ENPP1: variants seen among roughly 807,000 people sequenced by gnomAD.
ENPP1 encodes ectonucleotide pyrophosphatase/phosphodiesterase family member 1.
Under a neutral mutation model 122.8 loss-of-function variants are expected in ENPP1, and 73 were observed. That is an observed-to-expected ratio of 0.59 (90% CI 0.49 to 0.72). The LOEUF is 0.72. ENPP1 is among the 30% of genes least tolerant of loss of function. The probability of loss-of-function intolerance (pLI) is 0.00; values close to 1 mark genes in which losing one functional copy is unlikely to be tolerated. For missense variants in ENPP1, 978 were observed against 1,128.1 expected (o/e 0.87, Z 1.91); for synonymous variants, 367 against 391.6 (o/e 0.94, Z 0.74).
At position 131,808,170 on chromosome 6, in the gene ENPP1, G is replaced by T. The variant is rs945032500; in HGVS notation, c.135G>T (p.Ala45=). 1.1e-5 allele frequency: 16 copies of T among 1,459,516 alleles called. No individual in the cohort carries two copies. The highest frequency in any genetic ancestry group is 1.4e-5 in the South Asian group (1 of 73,466). 90.4% of individuals were successfully genotyped at this position (1,459,516 alleles called of 1,614,324 possible). Residue 45 remains alanine (A), a synonymous_variant, in exon 1 of 25, where the codon GCG becomes GCT. Transcript: ENST00000647893. Reference sequence around the variant, plus strand: ...CCGAGGCGCCCGGGGACCCGCAGGCGGCCGCGTCCTTGCTGGCCCCTATGG... The same window carrying T: ...CCGAGGCGCCCGGGGACCCGCAGGCTGCCGCGTCCTTGCTGGCCCCTATGG... ...HAAEAPGDPQ[A]AASLLAPMDV... is the part of the protein sequence containing the mutation.
chr6:131,827,423 C>T (rs1178747110), intron 1 of ENPP1: 15 of 703,282 alleles, frequency 2.1e-5, no homozygotes, highest in Non-Finnish European at 3.1e-5. Flanking sequence ...TCCACCACAG[C>T]CTGTAGGAGG....
chr6:131,879,954 C>T lies in ENPP1; in HGVS notation c.2020C>T (p.Leu674Phe). 1.9e-6 allele frequency: 3 copies of T among 1,613,782 alleles called. No homozygotes were observed. Among genetic ancestry groups the T allele is most frequent in the Non-Finnish European group, 2.5e-6 (3 of 1,179,648 alleles). Residue 674 changes from leucine to phenylalanine, a missense_variant, in exon 20 of 25, where the codon CTT becomes TTT. Physicochemically the swap from Leu to Phe is conservative, Grantham distance 22 (BLOSUM62 0). Transcript: ENST00000647893. ...VLQKENTICL[L>F]SQHQFMSGYS... Reference sequence around the variant, plus strand: ...CCAGAAGGAAAACACCATCTGTCTTCTTTCCCAGCACCAGTTTATGAGTGG... The same window carrying T: ...CCAGAAGGAAAACACCATCTGTCTTTTTTCCCAGCACCAGTTTATGAGTGG...
At position 131,885,071 on chromosome 6, in the gene ENPP1, C is replaced by CAT; in HGVS notation, c.2444+11_2444+12dup. The CAT allele has an allele frequency of 6.2e-7, 1 of 1,613,562 alleles. No homozygotes were observed. Among genetic ancestry groups the CAT allele is most frequent in the African/African-American group, 1.3e-5 (1 of 75,028 alleles). On this transcript the variant is annotated intron_variant, in intron 23 of 24. Transcript: ENST00000647893. ...CTTAGAGAATCTGAGGCAGTAAGAA[C>CAT]ATATTTCATTACTCTTAAAAATAGG... is the stretch of plus-strand genomic sequence containing the variant.
chr6:131,839,538 C>T (rs1183860961), intron 1 of ENPP1, among the ~76,000 whole-genome samples: 1 of 152,164 alleles, frequency 6.6e-6, no homozygotes, highest in Admixed American at 6.5e-5. Context: ...AGAGTTTACT[C>T]TGGGTCACTA....
At chr6:131,837,603 T>G (rs1781693542) in intron 1 of ENPP1, among the ~76,000 whole-genome samples, 1 of 151,946 alleles carries the variant, frequency 6.6e-6, no homozygotes, top group Non-Finnish European at 1.5e-5. Context: ...CCATTACTTC[T>G]TTACTACTTC....
chr6:131,814,499 C>A (rs1470086784), intron 1 of ENPP1, among the ~76,000 whole-genome samples: 2 of 152,128 alleles, frequency 1.3e-5, no homozygotes, highest in Non-Finnish European at 2.9e-5. Context: ...TCAAGTTGCC[C>A]TGAGTATATG....
chr6:131,839,768 C>T (rs899598676), intron 1 of ENPP1, among the ~76,000 whole-genome samples: 4 of 151,960 alleles, frequency 2.6e-5, no homozygotes, highest in African/African-American at 9.7e-5. Context: ...GTCATTTTTC[C>T]ATGTCAATTA....
chr6:131,857,706 C>T (rs1282212544), intron 6 of ENPP1, among the ~76,000 whole-genome samples: 1 of 152,068 alleles, frequency 6.6e-6, no homozygotes, highest in African/African-American at 2.4e-5. Flanking sequence ...TGCTAGATGA[C>T]GAGTTAGTGG....
chr6:131,855,756 CTTT>C (rs200014818), intron 6 of ENPP1, among the ~76,000 whole-genome samples: 2 of 140,714 alleles, frequency 1.4e-5, no homozygotes, highest in African/African-American at 5.2e-5. Context: ...TGGACTCTTC[CTTT>C]TTTTTTTTTT....
chr6:131,870,772 T>C (rs1010330281), intron 13 of ENPP1, among the ~76,000 whole-genome samples: 3 of 152,224 alleles, frequency 2.0e-5, no homozygotes, highest in African/African-American at 7.2e-5. Flanking sequence ...TTATAAAACC[T>C]GTTATAAAAA....
At chr6:131,839,245 C>T (rs1781712133) in intron 1 of ENPP1, among the ~76,000 whole-genome samples, 1 of 151,840 alleles carries the variant, frequency 6.6e-6, no homozygotes, top group African/African-American at 2.4e-5. Flanking sequence ...TTTTTGAATC[C>T]CATTGAATAT....
intron 1 of ENPP1, among the ~76,000 whole-genome samples, chr6:131,836,117 CTT>C (rs35069563): frequency 1.4e-5 from 2 of 143,698 alleles, no homozygotes; most frequent in Non-Finnish European, 1.5e-5. Flanking sequence ...GTGTGGTTTT[CTT>C]TTTTTTTTTT....
In ENPP1 at chr6:131,811,698, A is replaced by C. The variant is rs117806897; in HGVS notation, c.240+3423A>C. Among the ~76,000 whole-genome samples the C allele has an allele frequency of 7.3e-4, 111 of 152,260 alleles. 1 individual carries two copies. The East Asian group carries it at 0.016, about 23-fold the overall frequency. On this transcript the variant is annotated intron_variant, in intron 1 of 24. Transcript: ENST00000647893. ...CAGCTGTCAGGAACAAAATGCTTTTAAAGAATTGCCCCTGGGAATGGGTGC... is the reference window on the plus strand; with the variant it reads ...CAGCTGTCAGGAACAAAATGCTTTTCAAGAATTGCCCCTGGGAATGGGTGC...
In ENPP1 at chr6:131,895,090, G is replaced by C. The variant is rs1782529346; in HGVS notation, c.*4579G>C. 1 of 152,228 alleles carries C rather than the reference G, an allele frequency of 6.6e-6. No homozygotes were observed. Among genetic ancestry groups the C allele is most frequent in the Non-Finnish European group, 1.5e-5 (1 of 68,046 alleles). The allele number at this position is 152,228 out of a possible 1,614,324, so 9.4% of individuals were successfully genotyped here. A position where few individuals can be genotyped will look rare whatever the true frequency, so the allele number is the denominator to read the frequency against. On this transcript the variant is annotated 3_prime_UTR_variant, in exon 25 of 25. Coordinates refer to ENST00000647893, the MANE Select transcript of ENPP1 (RefSeq NM_006208.3). ...ATATTGTAAGAGAGAGAGAAGAAAA[G>C]TGTACGGAATATAATTGTCTCTAAG...
chr6:131,824,216 G>A (rs1411451600), intron 1 of ENPP1, among the ~76,000 whole-genome samples: 1 of 152,026 alleles, frequency 6.6e-6, no homozygotes, highest in Non-Finnish European at 1.5e-5. Context: ...CATAGCGAGG[G>A]GGAATTAGCC....
At chr6:131,886,765 T>G in intron 24 of ENPP1, 41 bp downstream of exon 24, 1 of 1,566,818 alleles carries the variant, frequency 6.4e-7, no homozygotes, top group Non-Finnish European at 8.8e-7. Context: ...GTTGAAAATC[T>G]AGACATATGC....
rs531628802 is a variant in ENPP1, at chr6:131,815,921, A to G, written c.240+7646A>G. ...TTTTTAGTAGAGACAGGGTTTTGCCATGTTGGCCAGGCTGGTCTCGAACTC... is the reference window on the plus strand; with the variant it reads ...TTTTTAGTAGAGACAGGGTTTTGCCGTGTTGGCCAGGCTGGTCTCGAACTC... On this transcript the variant is annotated intron_variant, in intron 1 of 24. Transcript: ENST00000647893. 8.3e-4 allele frequency among the ~76,000 whole-genome samples: 108 copies of G among 129,796 alleles called. No individual in the cohort carries two copies. The Middle Eastern group carries it at 0.037, about 44-fold the overall frequency. 85.2% of individuals were successfully genotyped at this position (129,796 alleles called of 152,430 possible).
chr6:131,853,907 C>T (rs150549143), intron 5 of ENPP1, among the ~76,000 whole-genome samples: 1 of 152,292 alleles, frequency 6.6e-6, no homozygotes, highest in Non-Finnish European at 1.5e-5. Context: ...AGTATATTAG[C>T]ATCCTCTGTG....
In ENPP1 at chr6:131,847,859, G is replaced by T. The variant is rs781539069; in HGVS notation, c.313+11G>T. Reference sequence around the variant, plus strand: ...GCTGTGCCAAAGAAGGTAATTAGGTGTGTGTGTGTGTGTGTGTGTGTGTGT... The same window carrying T: ...GCTGTGCCAAAGAAGGTAATTAGGTTTGTGTGTGTGTGTGTGTGTGTGTGT... On this transcript the variant is annotated intron_variant, in intron 2 of 24. Transcript: ENST00000647893. 4.8e-5 allele frequency: 34 copies of T among 704,572 alleles called. No homozygotes were observed. In the African/African-American group the frequency reaches 6.1e-4, roughly 13 times the overall value. 43.6% of individuals were successfully genotyped at this position (704,572 alleles called of 1,614,324 possible).
Sources: gnomAD v4.1 joint callset for allele counts (sites outside exome capture counted in the v4.1 genomes callset) on GRCh38, gnomAD v4.1.1 for gene constraint, MANE v1.5 for transcripts, NCBI Gene and HGNC (gene_info 2026-07-23, HGNC 2026-07-21) for gene names.